Variants in DIP2A observed in about 807,000 individuals in gnomAD.
DIP2A encodes the protein disco-interacting protein 2 homolog A.
Under a neutral mutation model 177.4 loss-of-function variants are expected in DIP2A, and 85 were observed. The ratio of observed to expected loss-of-function variants is 0.48; its 90% CI spans 0.40 to 0.57. The LOEUF (loss-of-function observed/expected upper bound fraction) is 0.57, where lower values mean the gene tolerates loss of function less well. Among genes scored for constraint, DIP2A ranks in the 20% least tolerant of loss-of-function variants. The pLI is 0.00. For missense variants in DIP2A, 1,791 were observed against 2,100.2 expected (o/e 0.85, Z 2.88); for synonymous variants, 886 against 881.8 (o/e 1.00, Z -0.08).
At position 46,554,186 on chromosome 21, in the gene DIP2A, T is replaced by A; in HGVS notation, c.3048T>A (p.Thr1016=). ...TTTCCTAGGGCACCGTCACAAGCAC[T>A]GCAACCTGTGTCCAGCTGCACAAAA... ...LLNAKGTVTS[T]ATCVQLHKRA... is the part of the protein sequence containing the mutation. Residue 1016 remains threonine, a synonymous_variant, in exon 26 of 38, where the codon ACT becomes ACA. Coordinates refer to ENST00000417564, the MANE Select transcript of DIP2A (RefSeq NM_015151.4). The A allele has an allele frequency of 6.3e-7, 1 of 1,597,268 alleles. No homozygotes were observed. Among genetic ancestry groups the A allele is most frequent in the Non-Finnish European group, 8.6e-7 (1 of 1,169,526 alleles).
intron 2 of DIP2A, among the ~76,000 whole-genome samples, chr21:46,490,288 C>T (rs1472556628): frequency 6.6e-6 from 1 of 151,992 alleles, no homozygotes. Flanking sequence ...GGCTTTCTAC[C>T]ACGGCTCCCA....
intron 6 of DIP2A, among the ~76,000 whole-genome samples, chr21:46,507,556 C>T (rs1198677906): frequency 3.3e-5 from 5 of 151,890 alleles, no homozygotes; most frequent in Non-Finnish European, 7.4e-5. Context: ...GGGCTCTGGG[C>T]TCTGTGTGTT....
chr21:46,550,033 A>C, intron 22 of DIP2A, 148 bp downstream of exon 22: 1 of 1,474,228 alleles, frequency 6.8e-7, no homozygotes, highest in Non-Finnish European at 9.0e-7. Context: ...AAATTGACAA[A>C]TTACAGCTGT....
In DIP2A at chr21:46,538,622, C is replaced by A. The variant is rs114545975; in HGVS notation, c.1921+20C>A. 2 of 1,545,466 alleles carry A rather than the reference C, an allele frequency of 1.3e-6. No individual in the cohort carries two copies. Among genetic ancestry groups the A allele is most frequent in the African/African-American group, 2.7e-5 (2 of 73,116 alleles). On this transcript the variant is annotated intron_variant, in intron 16 of 37. Transcript: ENST00000417564. ...ACCCGTGTGAGTGAGCCTGTGTGCCCGGCGCATACCCCACACAGTGTCCCC... is the reference window on the plus strand; with the variant it reads ...ACCCGTGTGAGTGAGCCTGTGTGCCAGGCGCATACCCCACACAGTGTCCCC...
At chr21:46,497,376 T>A (rs1048892994) in intron 4 of DIP2A, among the ~76,000 whole-genome samples, 2 of 152,218 alleles carry the variant, frequency 1.3e-5, no homozygotes, top group African/African-American at 2.4e-5. Context: ...TTTATGTCTT[T>A]TAGTAAAGAG....
In DIP2A at chr21:46,555,506, T is replaced by C. The variant is rs190003727; in HGVS notation, c.3389-476T>C. On this transcript the variant is annotated intron_variant, in intron 28 of 37. Coordinates refer to ENST00000417564, the MANE Select transcript of DIP2A (RefSeq NM_015151.4). ...GGCTTGCCTCAAGGGGAGCGGTGCCTGCCCTGCTGAGCCTGTGTCCAGTTG... is the reference window on the plus strand; with the variant it reads ...GGCTTGCCTCAAGGGGAGCGGTGCCCGCCCTGCTGAGCCTGTGTCCAGTTG... 672 of 201,094 alleles carry C rather than the reference T, an allele frequency of 3.3e-3. 9 individuals are homozygous for C. The highest frequency in any genetic ancestry group is 0.014 in the African/African-American group (616 of 42,486). 12.5% of individuals were successfully genotyped at this position (201,094 alleles called of 1,614,324 possible). A position where few individuals can be genotyped will look rare whatever the true frequency, so the allele number is the denominator to read the frequency against.
At chr21:46,515,200 G>GCAGT (rs971743477) in intron 8 of DIP2A, among the ~76,000 whole-genome samples, 2 of 152,250 alleles carry the variant, frequency 1.3e-5, no homozygotes, top group African/African-American at 4.8e-5. Flanking sequence ...TATTGGCAGA[G>GCAGT]CAGTCCCTGG....
intron 32 of DIP2A, among the ~76,000 whole-genome samples, chr21:46,560,257 CAGAA>C (rs1335756433): frequency 2.0e-5 from 3 of 152,144 alleles, no homozygotes; most frequent in Admixed American, 2.0e-4. Flanking sequence ...CTGTAAGATT[CAGAA>C]AGGAAGAGAG....
At chr21:46,469,591 T>C (rs1396652639) in intron 1 of DIP2A, among the ~76,000 whole-genome samples, 1 of 152,238 alleles carries the variant, frequency 6.6e-6, no homozygotes, top group Admixed American at 6.5e-5. Context: ...CTCATCGCCA[T>C]GCTGTGGGTC....
At chr21:46,487,020 A>G (rs1446978879) in intron 2 of DIP2A, among the ~76,000 whole-genome samples, 4 of 152,198 alleles carry the variant, frequency 2.6e-5, no homozygotes, top group African/African-American at 9.7e-5. Context: ...ATATTTAGAG[A>G]GCTGGTGTAG....
chr21:46,476,284 C>T (rs1381119112), intron 1 of DIP2A, among the ~76,000 whole-genome samples: 1 of 152,062 alleles, frequency 6.6e-6, no homozygotes, highest in Non-Finnish European at 1.5e-5. Context: ...ATACATGTAG[C>T]TCTGGCTCAA....
At chr21:46,459,823 C>A (rs970001946) in intron 1 of DIP2A, among the ~76,000 whole-genome samples, 3 of 152,158 alleles carry the variant, frequency 2.0e-5, no homozygotes, top group Non-Finnish European at 2.9e-5. Context: ...AGCTGCTCCC[C>A]CAATGGGATC....
chr21:46,462,524 T>G (rs1480695861), intron 1 of DIP2A: 2 of 152,236 alleles, frequency 1.3e-5, no homozygotes, highest in Non-Finnish European at 2.9e-5. Context: ...TCGAAACTGG[T>G]AAGGTGTTTT....
At chr21:46,532,053 T>G (rs1345844024) in intron 9 of DIP2A, 74 bp from the exon 10 acceptor site, 44 of 1,402,192 alleles carry the variant, frequency 3.1e-5, no homozygotes, top group Non-Finnish European at 4.0e-5. Context: ...ATTTTATTTA[T>G]AACTAGCTTT....
chr21:46,557,421 C>A lies in DIP2A; in HGVS notation c.3630-164C>A. 2.2e-6 allele frequency: 2 copies of A among 913,612 alleles called. No individual in the cohort carries two copies. Among genetic ancestry groups the A allele is most frequent in the Non-Finnish European group, 3.2e-6 (2 of 621,264 alleles). 56.6% of individuals were successfully genotyped at this position (913,612 alleles called of 1,614,324 possible). ...AACCCCGTGCCTGCCATCCCCCAAC[C>A]TTCACCCTGTGGCATGTTTTCCACC... is the stretch of plus-strand genomic sequence containing the variant. On this transcript the variant is annotated intron_variant, in intron 30 of 37. Transcript: ENST00000417564. This position sits in a 1 kb window ranked among gnomAD's most constrained non-coding sequence, Gnocchi z 6.0.
At chr21:46,516,484 A>ATTTTTTTTTTTTTTTTTTT (rs779342846) in intron 8 of DIP2A, among the ~76,000 whole-genome samples, 1 of 92,876 alleles carries the variant, frequency 1.1e-5, no homozygotes, top group Non-Finnish European at 2.4e-5. Context: ...GTCTTCTGAA[A>ATTTTTTTTTTTTTTTTTTT]TTTCTTTTTT....
In DIP2A at chr21:46,537,296, T is replaced by C; in HGVS notation, c.1707+8T>C. The C allele has an allele frequency of 6.2e-7, 1 of 1,613,984 alleles. No homozygotes were observed. The highest frequency in any genetic ancestry group is 8.5e-7 in the Non-Finnish European group (1 of 1,179,856). ...TGGCATGGCGTGTTAACAGTGAGTG[T>C]TGTTTGCTGATGACTAACTGTTGGA... is the stretch of plus-strand genomic sequence containing the variant. On this transcript the variant is annotated splice_region_variant and intron_variant, in intron 14 of 37. Coordinates refer to ENST00000417564, the MANE Select transcript of DIP2A (RefSeq NM_015151.4). The surrounding 1 kb of genome is among the most constrained non-coding windows in gnomAD (Gnocchi z 4.1).
chr21:46,559,119 A>C (rs930952906), intron 32 of DIP2A: 4 of 151,690 alleles, frequency 2.6e-5, no homozygotes, highest in South Asian at 2.1e-4. Flanking sequence ...AAAAAAAAAA[A>C]AAAAACATAG....
intron 3 of DIP2A, 37 bp from the exon 4 acceptor site, chr21:46,496,951 T>G: frequency 6.4e-7 from 1 of 1,568,066 alleles, no homozygotes; most frequent in South Asian, 1.2e-5. Context: ...TAAACAGTCT[T>G]GTAAAAAGTA....
Sources: gnomAD v4.1 joint callset for allele counts (sites outside exome capture counted in the v4.1 genomes callset) on GRCh38, gnomAD v4.1.1 for gene constraint, Gnocchi (gnomAD v3.1) non-coding constraint, MANE v1.5 for transcripts, NCBI Gene and HGNC (gene_info 2026-07-23, HGNC 2026-07-21) for gene names.